DKC1: variants seen among roughly 807,000 people sequenced by gnomAD.
The protein encoded by DKC1 is H/ACA ribonucleoprotein complex subunit DKC1.
Under a neutral mutation model 46.7 loss-of-function variants are expected in DKC1, and 4 were observed. That is an observed-to-expected ratio of 0.09 (90% CI 0.04 to 0.20). The LOEUF (loss-of-function observed/expected upper bound fraction) is 0.20. DKC1 is among the 10% of genes least tolerant of loss of function. The probability of loss-of-function intolerance (pLI) is 1.00; values close to 1 mark genes in which losing one functional copy is unlikely to be tolerated. For missense variants in DKC1, 171 were observed against 404.2 expected (o/e 0.42, Z 4.95); for synonymous variants, 141 against 142.4 (o/e 0.99, Z 0.07).
Position 154,770,739 on chromosome X carries a change from A to G in DKC1, c.916-20A>G, listed in dbSNP as rs1557264830. On this transcript the variant is annotated intron_variant, in intron 9 of 14. Coordinates refer to ENST00000369550, the MANE Select transcript of DKC1 (RefSeq NM_001363.5). ...GGAGGGCAGCAGCTGGGCCCCTTAC[A>G]CTTGGTGCCATCTCTGCAGGTAAAT... The G allele has an allele frequency of 4.1e-6, 5 of 1,210,393 alleles. No individual in the cohort carries two copies. Among genetic ancestry groups the G allele is most frequent in the Non-Finnish European group, 5.6e-6 (5 of 894,933 alleles).
chrX:154,776,781 C>T lies in DKC1; in HGVS notation c.1477-18C>T. 8.3e-7 allele frequency: 1 copy of T among 1,200,846 alleles called. No individual in the cohort carries two copies. Among genetic ancestry groups the T allele is most frequent in the Non-Finnish European group, 1.1e-6 (1 of 887,096 alleles). The stretch of plus-strand genomic sequence containing the variant: ...TTAGTGGATGGTATCTGTGAGCTTT[C>T]ATTCTCTTTCTTTCTAGGACAGTGA... On this transcript the variant is annotated intron_variant, in intron 14 of 14. Coordinates refer to ENST00000369550, the MANE Select transcript of DKC1 (RefSeq NM_001363.5).
intron 11 of DKC1, among the ~76,000 whole-genome samples, chrX:154,773,924 CGG>C (rs1159009042): frequency 9.3e-6 from 1 of 107,611 alleles, no homozygotes; most frequent in Non-Finnish European, 1.9e-5. Flanking sequence ...GCTGGCCGGG[CGG>C]GGGGGCTGAC....
At chrX:154,773,908 G>A (rs1445488839) in intron 11 of DKC1, among the ~76,000 whole-genome samples, 3 of 111,476 alleles carry the variant, frequency 2.7e-5, no homozygotes, top group Non-Finnish European at 5.7e-5. Context: ...CCTCCCGGAC[G>A]GGGCGGCTGG....
intron 12 of DKC1, 57 bp downstream of exon 12, chrX:154,774,762 G>C (rs782598718): frequency 2.3e-5 from 23 of 1,002,971 alleles, no homozygotes; most frequent in African/African-American, 2.2e-4. Context: ...TTGCTGCCTT[G>C]ATGCAGGAGT....
intron 7 of DKC1, chrX:154,767,955 A>G (rs976573683): frequency 2.1e-4 from 51 of 240,002 alleles, no homozygotes; most frequent in African/African-American, 1.6e-3. Flanking sequence ...GGTTCACACC[A>G]TTTTCCTGCC....
Position 154,773,119 on chromosome X carries a change from C to T in DKC1, c.1037-12C>T. ...CCTTCAAATAATTCTTTTCTTTATT[C>T]AATGCCTGTAGCTATTGCATTAATG... On this transcript the variant is annotated splice_polypyrimidine_tract_variant and intron_variant, in intron 10 of 14. Transcript: ENST00000369550. 9.2e-7 allele frequency: 1 copy of T among 1,087,402 alleles called. No homozygotes were observed. The highest frequency in any genetic ancestry group is 1.3e-6 in the Non-Finnish European group (1 of 784,495). The allele number at this position is 1,087,402 out of a possible 1,213,427, so 89.6% of individuals were successfully genotyped here.
At chrX:154,771,009 G>A (rs928059395) in intron 10 of DKC1, 130 bp downstream of exon 10, 30 of 637,846 alleles carry the variant, frequency 4.7e-5, no homozygotes, top group Non-Finnish European at 7.2e-5. Context: ...TGGAGAATGG[G>A]GCATCCATCT....
chrX:154,768,078 C>CTGACGTCG, intron 7 of DKC1: 1 of 408,186 alleles, frequency 2.4e-6, no homozygotes, highest in African/African-American at 2.5e-5. Context: ...TCTTGATCTC[C>CTGACGTCG]TGACGTCGTG....
chrX:154,770,223 C>CTT, intron 9 of DKC1, among the ~76,000 whole-genome samples: 1 of 110,477 alleles, frequency 9.1e-6, no homozygotes, highest in East Asian at 2.9e-4. Context: ...AATCCCAGCA[C>CTT]TTTGGGAGGC....
intron 1 of DKC1, among the ~76,000 whole-genome samples, chrX:154,764,169 TTA>T (rs57268312): frequency 6.6e-5 from 7 of 105,855 alleles, no homozygotes; most frequent in African/African-American, 1.7e-4. Context: ...AAAAAAAAAA[TTA>T]TATATATATA....
intron 7 of DKC1, chrX:154,767,990 A>T (rs2071770638): frequency 3.7e-6 from 1 of 269,802 alleles, no homozygotes; most frequent in Admixed American, 5.3e-5. Context: ...AGCTGGGACT[A>T]TAGGCGCCCG....
At position 154,766,114 on chromosome X, in the gene DKC1, G is replaced by A. The variant is rs1603429414; in HGVS notation, c.264-102G>A. ...TAGCTTTGTCTTGAATATATAACCT[G>A]TACCCGCAGTGAATTATTTTTCTTT... On this transcript the variant is annotated intron_variant, in intron 4 of 14. Coordinates refer to ENST00000369550, the MANE Select transcript of DKC1 (RefSeq NM_001363.5). 7 of 1,004,228 alleles carry A rather than the reference G, an allele frequency of 7.0e-6. No homozygotes were observed. In the East Asian group the frequency reaches 1.8e-4, roughly 26 times the overall value. The allele number at this position is 1,004,228 out of a possible 1,213,427, so 82.8% of individuals were successfully genotyped here. A position where few individuals can be genotyped will look rare whatever the true frequency, so the allele number is the denominator to read the frequency against.
At chrX:154,772,217 T>G (rs1213177614) in intron 10 of DKC1, among the ~76,000 whole-genome samples, 1 of 112,429 alleles carries the variant, frequency 8.9e-6, no homozygotes, top group African/African-American at 3.2e-5. Flanking sequence ...TTTTTTTTCC[T>G]ATAGTGCTGA....
chrX:154,766,456 CT>C, intron 5 of DKC1, 56 bp downstream of exon 5: 1 of 1,059,551 alleles, frequency 9.4e-7, no homozygotes, highest in Non-Finnish European at 1.3e-6. Flanking sequence ...CTGTATTTCC[CT>C]TCTATGTTTT....
At chrX:154,766,436 G>GA (rs1569558497) in intron 5 of DKC1, 36 bp downstream of exon 5, 1 of 1,137,028 alleles carries the variant, frequency 8.8e-7, no homozygotes, top group Admixed American at 2.2e-5. Flanking sequence ...TGGCTAGAGT[G>GA]AAAAGCTTTC....
Position 154,776,786 on chromosome X carries a change from T to G in DKC1, c.1477-13T>G, listed in dbSNP as rs2071904129. 1 of 1,203,875 alleles carries G rather than the reference T, an allele frequency of 8.3e-7. No homozygotes were observed. The highest frequency in any genetic ancestry group is 1.1e-6 in the Non-Finnish European group (1 of 889,478). ...GGATGGTATCTGTGAGCTTTCATTC[T>G]CTTTCTTTCTAGGACAGTGATACCA... On this transcript the variant is annotated splice_polypyrimidine_tract_variant and intron_variant, in intron 14 of 14. Transcript: ENST00000369550.
At chrX:154,768,980 C>G (rs1042432599) in intron 8 of DKC1, among the ~76,000 whole-genome samples, 187 bp from the exon 9 acceptor site, 1 of 79,077 alleles carries the variant, frequency 1.3e-5, no homozygotes, top group Non-Finnish European at 2.2e-5. Flanking sequence ...GGCGACAGAG[C>G]GAGACTCCGT....
chrX:154,766,600 C>A, intron 5 of DKC1, 200 bp downstream of exon 5: 1 of 454,025 alleles, frequency 2.2e-6, no homozygotes, highest in Non-Finnish European at 3.8e-6. Context: ...ACATACTAAG[C>A]ATGTATTCAT....
At chrX:154,766,133 T>C in intron 4 of DKC1, 83 bp from the exon 5 acceptor site, 1 of 1,082,826 alleles carries the variant, frequency 9.2e-7, no homozygotes, top group South Asian at 1.8e-5. Flanking sequence ...GTGAATTATT[T>C]TTCTTTTTAA....
Sources: gnomAD v4.1 joint callset for allele counts (sites outside exome capture counted in the v4.1 genomes callset) on GRCh38, gnomAD v4.1.1 for gene constraint, MANE v1.5 for transcripts, NCBI Gene and HGNC (gene_info 2026-07-23, HGNC 2026-07-21) for gene names.